The following OPCML variants were observed in gnomAD, a reference collection of about 807,000 sequenced individuals.
OPCML encodes the protein opioid binding protein/cell adhesion molecule like.
A neutral mutation model predicts 37.8 loss-of-function variants in OPCML; 13 were observed. The observed-to-expected ratio is 0.34, with a 90% CI of 0.22 to 0.55. The LOEUF is 0.55. Ranked by LOEUF, OPCML falls within the 20% of genes least tolerant of loss-of-function variation. The pLI is 0.91. For missense variants in OPCML, 341 were observed against 435.6 expected (o/e 0.78, Z 1.93); for synonymous variants, 176 against 168.8 (o/e 1.04, Z -0.33).
intron 2 of OPCML, among the ~76,000 whole-genome samples, chr11:132,696,177 A>G (rs1478892083): frequency 2.0e-5 from 3 of 152,214 alleles, no homozygotes; most frequent in African/African-American, 7.2e-5. Flanking sequence ...CCTAAAGTTT[A>G]TTTCCATGTC....
chr11:132,926,299 A>G (rs779644318), intron 2 of OPCML, among the ~76,000 whole-genome samples: 1 of 152,204 alleles, frequency 6.6e-6, no homozygotes, highest in African/African-American at 2.4e-5. Context: ...TGACGACCTC[A>G]GAGTCCAGAA....
intron 2 of OPCML, among the ~76,000 whole-genome samples, chr11:132,910,850 C>T (rs1362392955): frequency 6.6e-6 from 1 of 152,148 alleles, no homozygotes; most frequent in Non-Finnish European, 1.5e-5. Context: ...TTCTTACAAA[C>T]CCTCAGGACC....
intron 1 of OPCML, among the ~76,000 whole-genome samples, chr11:133,235,969 CG>C (rs756484226): frequency 3.3e-5 from 5 of 152,062 alleles, no homozygotes; most frequent in Non-Finnish European, 5.9e-5. Context: ...AGACTCCCAG[CG>C]GATGCTTAAA....
chr11:133,187,002 C>G (rs1011912386), intron 1 of OPCML, among the ~76,000 whole-genome samples: 4 of 152,076 alleles, frequency 2.6e-5, no homozygotes, highest in African/African-American at 4.8e-5. Flanking sequence ...GTGTAGAGGA[C>G]AAGGTCTTCA....
At chr11:133,146,634 A>G (rs1949901750) in intron 1 of OPCML, among the ~76,000 whole-genome samples, 1 of 150,366 alleles carries the variant, frequency 6.7e-6, no homozygotes, top group Non-Finnish European at 1.5e-5. Context: ...ATTTTTCTCT[A>G]TTTTTAGTAG....
intron 2 of OPCML, among the ~76,000 whole-genome samples, chr11:132,747,502 A>G (rs779558001): frequency 1.3e-5 from 2 of 152,148 alleles, no homozygotes; most frequent in African/African-American, 2.4e-5. Context: ...ACACAGAGAA[A>G]TTTTGGTGAC....
At chr11:133,417,538 G>C (rs1945794801) in intron 1 of OPCML, among the ~76,000 whole-genome samples, 1 of 151,748 alleles carries the variant, frequency 6.6e-6, no homozygotes, top group East Asian at 1.9e-4. Flanking sequence ...CAACATGCAG[G>C]TTTGTTACAT....
chr11:132,564,401 G>C (rs2096417573), intron 3 of OPCML, among the ~76,000 whole-genome samples: 1 of 152,146 alleles, frequency 6.6e-6, no homozygotes, highest in Admixed American at 6.5e-5. Flanking sequence ...GCAAGTTTTG[G>C]TGATTCTTCC....
chr11:133,010,427 A>T (rs1281532741), intron 1 of OPCML, among the ~76,000 whole-genome samples: 1 of 152,264 alleles, frequency 6.6e-6, no homozygotes, highest in African/African-American at 2.4e-5. Context: ...CACTTGTAAG[A>T]GGTGGAAGAG....
chr11:133,464,854 T>C (rs1289608523), intron 1 of OPCML, among the ~76,000 whole-genome samples: 3 of 152,080 alleles, frequency 2.0e-5, no homozygotes, highest in Non-Finnish European at 4.4e-5. Context: ...TTTGATTGAA[T>C]GATGGAAATG....
At chr11:133,268,293 C>T (rs929381025) in intron 1 of OPCML, among the ~76,000 whole-genome samples, 4 of 152,210 alleles carry the variant, frequency 2.6e-5, no homozygotes, top group Non-Finnish European at 2.9e-5. Context: ...AACAGTATCA[C>T]CATTCAAGAG....
At chr11:132,532,139 T>TGTCATCC (rs1348458218) in intron 3 of OPCML, among the ~76,000 whole-genome samples, 2 of 152,198 alleles carry the variant, frequency 1.3e-5, no homozygotes, top group Non-Finnish European at 2.9e-5. Flanking sequence ...ATGCTTAGCA[T>TGTCATCC]GTCATCCTCA....
intron 1 of OPCML, among the ~76,000 whole-genome samples, chr11:133,142,309 T>C (rs1190286687): frequency 6.6e-6 from 1 of 152,218 alleles, no homozygotes. Context: ...TGTTCCCCAG[T>C]GGCCTGACTG....
chr11:132,968,181 C>T (rs373659445), intron 1 of OPCML, among the ~76,000 whole-genome samples: 15 of 152,156 alleles, frequency 9.9e-5, no homozygotes, highest in Non-Finnish European at 2.1e-4. Flanking sequence ...TTTCAAACTC[C>T]ACTTGCTCAT....
At chr11:133,207,154 A>G (rs1216316) in intron 1 of OPCML, among the ~76,000 whole-genome samples, 9 of 150,494 alleles carry the variant, frequency 6.0e-5, no homozygotes, top group East Asian at 1.9e-4. Context: ...CAAAAAATTA[A>G]CCAGGTGTGG....
chr11:132,580,020 C>T (rs1247920865), intron 3 of OPCML, among the ~76,000 whole-genome samples: 1 of 152,160 alleles, frequency 6.6e-6, no homozygotes, highest in Non-Finnish European at 1.5e-5. Context: ...ACCACACACC[C>T]CATAACATCC....
intron 2 of OPCML, among the ~76,000 whole-genome samples, chr11:132,902,310 A>G (rs901059601): frequency 6.6e-6 from 1 of 152,192 alleles, no homozygotes; most frequent in Middle Eastern, 3.2e-3. Flanking sequence ...GAATGAGCAC[A>G]GTTAATAGTG....
chr11:132,972,791 A>G (rs1946372261), intron 1 of OPCML, among the ~76,000 whole-genome samples: 1 of 152,174 alleles, frequency 6.6e-6, no homozygotes, highest in Admixed American at 6.5e-5. Context: ...GAGTTCTGTG[A>G]TCTTCATGGG....
chr11:132,484,965 G>A (rs1224667384), intron 4 of OPCML, among the ~76,000 whole-genome samples: 1 of 152,198 alleles, frequency 6.6e-6, no homozygotes, highest in Non-Finnish European at 1.5e-5. Context: ...TATACCTAAT[G>A]CTAGATGACG....
Sources: allele counts gnomAD v4.1 joint callset (sites outside exome capture counted in the v4.1 genomes callset), GRCh38; gene constraint gnomAD v4.1.1; transcripts MANE v1.5; gene names NCBI Gene and HGNC (gene_info 2026-07-23, HGNC 2026-07-21).